The following TTC39B variants were observed in gnomAD, a reference collection of about 807,000 sequenced individuals.
TTC39B encodes the protein tetratricopeptide repeat protein 39B.
Under a neutral mutation model 96.6 loss-of-function variants are expected in TTC39B, and 92 were observed. The observed-to-expected ratio is 0.95, with a 90% CI of 0.80 to 1.13. The LOEUF is 1.13. Among genes scored for constraint, TTC39B ranks in the 50% most tolerant of loss-of-function variants. The pLI is 0.00. For missense variants in TTC39B, 955 were observed against 809.3 expected (o/e 1.18, Z -2.18); for synonymous variants, 367 against 299.4 (o/e 1.23, Z -2.33).
chr9:15,285,163 G>A (rs62570840), intron 1 of TTC39B, among the ~76,000 whole-genome samples: 35,830 of 151,748 alleles, frequency 0.24, 5,091 homozygotes, highest in Non-Finnish European at 0.31. Context: ...TACTCGGGGC[G>A]GGGGCTGAGG....
At chr9:15,214,334 G>GTGTGTGTGTC in intron 3 of TTC39B, 85 bp from the exon 4 acceptor site, 1 of 817,560 alleles carries the variant, frequency 1.2e-6, no homozygotes, top group Non-Finnish European at 2.0e-6. Context: ...GTGTGTGTGT[G>GTGTGTGTGTC]TGTGTGTGTG....
chr9:15,226,025 A>C lies in TTC39B; in HGVS notation c.276-13T>G. On this transcript the variant is annotated splice_polypyrimidine_tract_variant and intron_variant, in intron 2 of 19. Coordinates refer to ENST00000512701, the Ensembl canonical transcript of TTC39B. ...TGAGTGAGAAGATCTGTTAATTAAA[A>C]AGGCAGAGCAAGGTTTTTTATTTCT... The C allele has an allele frequency of 1.2e-6, 2 of 1,611,052 alleles. No homozygotes were observed. Among genetic ancestry groups the C allele is most frequent in the Non-Finnish European group, 1.7e-6 (2 of 1,177,704 alleles).
intron 8 of TTC39B, 91 bp downstream of exon 8, chr9:15,199,770 C>CAAAAAAA: frequency 7.9e-6 from 1 of 127,384 alleles, no homozygotes; most frequent in Non-Finnish European, 1.7e-5. Flanking sequence ...AAAAAAAAAT[C>CAAAAAAA]CTAGTCAAAC....
At chr9:15,270,023 G>C (rs1403885089) in intron 1 of TTC39B, among the ~76,000 whole-genome samples, 1 of 152,056 alleles carries the variant, frequency 6.6e-6, no homozygotes, top group Non-Finnish European at 1.5e-5. Context: ...ACAAAAATTA[G>C]CCAGGCATGG....
chr9:15,264,411 G>A (rs184604212), intron 2 of TTC39B, among the ~76,000 whole-genome samples: 2 of 151,974 alleles, frequency 1.3e-5, no homozygotes, highest in Non-Finnish European at 2.9e-5. Context: ...CAGCACTTTG[G>A]GGGAGGCCAA....
chr9:15,199,475 C>T (rs1586853331), intron 8 of TTC39B, among the ~76,000 whole-genome samples: 1 of 152,006 alleles, frequency 6.6e-6, no homozygotes, highest in South Asian at 2.1e-4. Context: ...GTGGCTCACG[C>T]GTGTAATCCC....
intron 6 of TTC39B, among the ~76,000 whole-genome samples, chr9:15,209,059 T>C (rs894067880): frequency 1.3e-5 from 2 of 152,230 alleles, no homozygotes; most frequent in Non-Finnish European, 2.9e-5. Context: ...TATTCTAGTA[T>C]TTTGTGTTAC....
Position 15,205,192 on chromosome 9 carries a change from G to A in TTC39B, c.692-1302C>T, listed in dbSNP as rs934114369. ...ACATAGAGCTCATGATACAGAGTAA[G>A]CACTGGATCAGTGCTAACTACGTGC... On this transcript the variant is annotated intron_variant, in intron 6 of 19. Transcript: ENST00000512701. Among the ~76,000 whole-genome samples the A allele has an allele frequency of 1.1e-4, 17 of 152,308 alleles. 3 individuals carry two copies. The highest frequency in any genetic ancestry group is 7.2e-4 in the Admixed American group (11 of 15,304).
At chr9:15,245,124 A>G (rs1366251984) in intron 2 of TTC39B, among the ~76,000 whole-genome samples, 1 of 152,220 alleles carries the variant, frequency 6.6e-6, no homozygotes, top group Non-Finnish European at 1.5e-5. Context: ...AGAGATGTTC[A>G]ATGACTGCTT....
chr9:15,175,225 C>T (rs1817869569), intron 18 of TTC39B, 90 bp from the exon 19 acceptor site: 4 of 893,324 alleles, frequency 4.5e-6, no homozygotes, highest in East Asian at 5.2e-5. Context: ...CTTCAGAAAA[C>T]ATGTGCAGCA....
intron 1 of TTC39B, among the ~76,000 whole-genome samples, chr9:15,302,074 G>C (rs1824608952): frequency 6.6e-6 from 1 of 152,150 alleles, no homozygotes; most frequent in South Asian, 2.1e-4. Context: ...TGTAATCCCA[G>C]CACATTGGGA....
At chr9:15,226,363 T>C (rs1344710028) in intron 2 of TTC39B, among the ~76,000 whole-genome samples, 6 of 152,222 alleles carry the variant, frequency 3.9e-5, no homozygotes, top group African/African-American at 1.4e-4. Flanking sequence ...AAGATACTTA[T>C]TATAATGGGT....
intron 2 of TTC39B, among the ~76,000 whole-genome samples, chr9:15,230,414 C>G (rs1218953720): frequency 6.6e-6 from 1 of 152,148 alleles, no homozygotes; most frequent in African/African-American, 2.4e-5. Flanking sequence ...CCTAAACAAC[C>G]ACTAATCTAC....
chr9:15,258,365 T>C (rs1822830470), intron 2 of TTC39B, among the ~76,000 whole-genome samples: 2 of 152,070 alleles, frequency 1.3e-5, no homozygotes, highest in Non-Finnish European at 1.5e-5. Flanking sequence ...AATGGGTGGA[T>C]GGTGGGTGGA....
intron 2 of TTC39B, among the ~76,000 whole-genome samples, chr9:15,261,262 T>A (rs1316404033): frequency 6.6e-6 from 1 of 152,046 alleles, no homozygotes; most frequent in Non-Finnish European, 1.5e-5. Flanking sequence ...GAGGATCACT[T>A]GAGTCCAGGA....
At chr9:15,199,658 C>G (rs1015918796) in intron 8 of TTC39B, among the ~76,000 whole-genome samples, 32 of 138,596 alleles carry the variant, frequency 2.3e-4, no homozygotes, top group African/African-American at 8.0e-4. Flanking sequence ...TGGCGTGAAC[C>G]TGAGAGGCGG....
chr9:15,298,648 C>T (rs1203103306), intron 1 of TTC39B, among the ~76,000 whole-genome samples: 1 of 152,144 alleles, frequency 6.6e-6, no homozygotes, highest in Non-Finnish European at 1.5e-5. Context: ...ACCCATGACA[C>T]GTGGGGATTA....
At chr9:15,277,117 G>T (rs1823572904) in intron 1 of TTC39B, among the ~76,000 whole-genome samples, 1 of 152,130 alleles carries the variant, frequency 6.6e-6, no homozygotes, top group South Asian at 2.1e-4. Context: ...CTTACTAGTG[G>T]GTTGCCCAGC....
In TTC39B at chr9:15,306,872, C is replaced by A. The variant is rs1357542824; in HGVS notation, c.240+212G>T. On this transcript the variant is annotated intron_variant, in intron 1 of 19. Coordinates refer to ENST00000512701, the Ensembl canonical transcript of TTC39B. This position sits in a 1 kb window ranked among gnomAD's most constrained non-coding sequence, Gnocchi z 5.1. ...GGGGCCGGCGCTCCGAACCTCGGCA[C>A]TGCGTCCGCTCCGCGCGCCGCAGGG... 2.0e-5 allele frequency among the ~76,000 whole-genome samples: 3 copies of A among 151,944 alleles called. No individual in the cohort carries two copies. The highest frequency in any genetic ancestry group is 6.5e-5 in the Admixed American group (1 of 15,278).
Sources: allele counts gnomAD v4.1 joint callset (sites outside exome capture counted in the v4.1 genomes callset), GRCh38; gene constraint gnomAD v4.1.1; non-coding constraint Gnocchi (gnomAD v3.1); transcripts MANE v1.5; gene names NCBI Gene and HGNC (gene_info 2026-07-23, HGNC 2026-07-21).